Variants in KLF12 observed in about 807,000 individuals in gnomAD.
The protein encoded by KLF12 is KLF transcription factor 12.
A neutral mutation model predicts 37.8 loss-of-function variants in KLF12; 9 were observed. The ratio of observed to expected loss-of-function variants is 0.24; its 90% CI spans 0.14 to 0.42. The LOEUF is 0.42. KLF12 is among the 10% of genes least tolerant of loss of function. The pLI is 1.00. For missense variants in KLF12, 411 were observed against 516.0 expected (o/e 0.80, Z 1.97); for synonymous variants, 208 against 202.1 (o/e 1.03, Z -0.25).
At chr13:74,081,204 C>T (rs1874863559) in intron 1 of KLF12, among the ~76,000 whole-genome samples, 1 of 152,172 alleles carries the variant, frequency 6.6e-6, no homozygotes, top group South Asian at 2.1e-4. Flanking sequence ...AAGCAAGATA[C>T]TGACTTTGAT....
chr13:73,876,534 T>C (rs1315750762), intron 3 of KLF12, among the ~76,000 whole-genome samples: 2 of 152,182 alleles, frequency 1.3e-5, no homozygotes, highest in African/African-American at 4.8e-5. Context: ...AAACATGTAC[T>C]CTAGGCTGAA....
upstream of KLF12, among the ~76,000 whole-genome samples, chr13:74,138,458 A>T (rs527547391): frequency 6.6e-6 from 1 of 152,348 alleles, no homozygotes; most frequent in South Asian, 2.1e-4. Flanking sequence ...AAAGTGAGAA[A>T]GACATGTAAA....
At chr13:73,914,394 CAA>C (rs890816285) in intron 3 of KLF12, among the ~76,000 whole-genome samples, 17 of 152,274 alleles carry the variant, frequency 1.1e-4, no homozygotes, top group African/African-American at 4.1e-4. Context: ...AGAATTTCAC[CAA>C]AGTGAGGCAT....
chr13:74,202,292 G>A, the KLF12 span, among the ~76,000 whole-genome samples: 3 of 152,060 alleles, frequency 2.0e-5, no homozygotes, highest in Admixed American at 6.6e-5. Flanking sequence ...CAAAGCAAAA[G>A]CACCAAAGCC....
chr13:74,097,697 C>CACAT (rs149288332), intron 1 of KLF12, among the ~76,000 whole-genome samples: 1 of 150,030 alleles, frequency 6.7e-6, no homozygotes, highest in Non-Finnish European at 1.5e-5. Flanking sequence ...ATTTTATATA[C>CACAT]ATATATATAT....
chr13:73,908,771 C>T lies in KLF12; in HGVS notation c.123+35210G>A, dbSNP rs138538081. On this transcript the variant is annotated intron_variant, in intron 3 of 7. Coordinates refer to ENST00000377669, the MANE Select transcript of KLF12 (RefSeq NM_007249.5). ...CTGGGATTACAGGCGTGAGCTACCG[C>T]GCCTGGCCGGTTTTCATTTTTCTTT... is the stretch of plus-strand genomic sequence containing the variant. Among the ~76,000 whole-genome samples, 347 of 152,214 alleles carry T rather than the reference C, an allele frequency of 2.3e-3. 2 individuals carry two copies. The highest frequency in any genetic ancestry group is 7.4e-3 in the African/African-American group (307 of 41,530).
chr13:74,072,524 G>A (rs1184026302), intron 1 of KLF12, among the ~76,000 whole-genome samples: 1 of 151,298 alleles, frequency 6.6e-6, no homozygotes, highest in Non-Finnish European at 1.5e-5. Context: ...GATTGCTTGA[G>A]GCCAGGAGTT....
chr13:73,875,711 G>C (rs1030751275), intron 3 of KLF12, among the ~76,000 whole-genome samples: 1 of 152,026 alleles, frequency 6.6e-6, no homozygotes, highest in South Asian at 2.1e-4. Flanking sequence ...CTCTGTAGTA[G>C]ATGACTTTTT....
chr13:74,175,462 A>G, the KLF12 span, among the ~76,000 whole-genome samples: 1 of 152,182 alleles, frequency 6.6e-6, no homozygotes, highest in Non-Finnish European at 1.5e-5. Context: ...TGTGCTTCCC[A>G]TGGGTCAGAC....
chr13:74,250,921 C>T, the KLF12 span, among the ~76,000 whole-genome samples: 1 of 152,106 alleles, frequency 6.6e-6, no homozygotes, highest in South Asian at 2.1e-4. Context: ...GCAGTTTTAA[C>T]ACAACAAATT....
chr13:73,804,429 T>C lies in KLF12; in HGVS notation c.806+8723A>G, dbSNP rs1882452914. Among the ~76,000 whole-genome samples, 4 of 152,140 alleles carry C rather than the reference T, an allele frequency of 2.6e-5. No homozygotes were observed. The South Asian group carries it at 8.3e-4, about 32-fold the overall frequency. ...TTAAATAATCAGCCAAACTTCATTA[T>C]ACTTTTTTTTTTAATTGAAGAGGGA... On this transcript the variant is annotated intron_variant, in intron 5 of 7. Transcript: ENST00000377669.
intron 4 of KLF12, among the ~76,000 whole-genome samples, chr13:73,830,725 C>T (rs1404230921): frequency 2.6e-5 from 4 of 152,096 alleles, no homozygotes; most frequent in East Asian, 1.9e-4. Context: ...ATAGAACAGG[C>T]GTGTCTGTGT....
At chr13:74,304,684 G>T in the KLF12 span, among the ~76,000 whole-genome samples, 2 of 152,070 alleles carry the variant, frequency 1.3e-5, no homozygotes, top group Non-Finnish European at 2.9e-5. Context: ...TAGATAGTAT[G>T]GTAGGGAGAC....
At chr13:74,245,487 TAGG>T in the KLF12 span, among the ~76,000 whole-genome samples, 3 of 152,124 alleles carry the variant, frequency 2.0e-5, no homozygotes, top group Non-Finnish European at 4.4e-5. Flanking sequence ...GCAGATCTAG[TAGG>T]AGGAAAATAA....
chr13:74,235,962 T>A, the KLF12 span, among the ~76,000 whole-genome samples: 1 of 151,366 alleles, frequency 6.6e-6, no homozygotes, highest in Non-Finnish European at 1.5e-5. Context: ...TTTTTTATTA[T>A]ACTTTAAGTT....
intron 3 of KLF12, among the ~76,000 whole-genome samples, chr13:73,929,029 TCA>T (rs1889541855): frequency 6.6e-6 from 1 of 152,176 alleles, no homozygotes; most frequent in Admixed American, 6.5e-5. Flanking sequence ...CCCTCATAAC[TCA>T]CACCATTTTG....
chr13:74,125,642 T>C lies in KLF12; in HGVS notation c.-32+8097A>G, dbSNP rs139898566. ...CTACTATTACCACTGCTGCAGAACA[T>C]CCTATAGCAGTTTACTTCTAAAATA... is the stretch of plus-strand genomic sequence containing the variant. On this transcript the variant is annotated intron_variant, in intron 1 of 7. Coordinates refer to ENST00000377669, the MANE Select transcript of KLF12 (RefSeq NM_007249.5). Among the ~76,000 whole-genome samples the C allele has an allele frequency of 1.2e-3, 176 of 152,316 alleles. 1 individual carries two copies. The highest frequency in any genetic ancestry group is 4.1e-3 in the African/African-American group (171 of 41,580).
chr13:74,065,223 C>CA (rs66832492), intron 1 of KLF12, among the ~76,000 whole-genome samples: 2 of 151,000 alleles, frequency 1.3e-5, no homozygotes, highest in East Asian at 2.0e-4. Context: ...CACACACACA[C>CA]ATGTATATAT....
In KLF12 at chr13:73,748,123, T is replaced by G. The variant is rs189034151; in HGVS notation, c.869+16815A>C. ...CCTCTATCACCAGAGGATGAATTAT[T>G]TACCACCAATATAACCAGGCACACC... On this transcript the variant is annotated intron_variant, in intron 6 of 7. Transcript: ENST00000377669. Among the ~76,000 whole-genome samples the G allele has an allele frequency of 4.6e-5, 7 of 152,280 alleles. No individual in the cohort carries two copies. The East Asian group carries it at 1.4e-3, about 29-fold the overall frequency.
Sources: gnomAD v4.1 joint callset for allele counts (sites outside exome capture counted in the v4.1 genomes callset) on GRCh38, gnomAD v4.1.1 for gene constraint, MANE v1.5 for transcripts, NCBI Gene and HGNC (gene_info 2026-07-23, HGNC 2026-07-21) for gene names.